LINGO2: variants seen among roughly 807,000 people sequenced by gnomAD.
LINGO2 encodes the protein leucine rich repeat and Ig domain containing 2, also known as leucine-rich repeat and immunoglobulin-like domain-containing nogo receptor-interacting protein 2.
LINGO2 carries 14 observed loss-of-function variants against 30.6 expected under a neutral mutation model. The observed-to-expected ratio is 0.46, with a 90% confidence interval of 0.30 to 0.72. The LOEUF (loss-of-function observed/expected upper bound fraction) is 0.72, where lower values mean the gene tolerates loss of function less well. LINGO2 is among the 30% of genes least tolerant of loss of function. LINGO2 has a pLI of 0.07. For missense variants in LINGO2, 729 were observed against 751.7 expected, an observed-to-expected ratio of 0.97 and a Z score of 0.35; for synonymous variants, 317 against 288.5, an observed-to-expected ratio of 1.10 and a Z score of -1.00.
intron 1 of LINGO2, among the ~76,000 whole-genome samples, chr9:28,537,018 T>C (rs1449982356): frequency 6.6e-6 from 1 of 151,962 alleles, no homozygotes; most frequent in Non-Finnish European, 1.5e-5. Flanking sequence ...AGTGTCCTTA[T>C]TTAAAAAAAA....
At chr9:28,917,078 C>A in the LINGO2 span, among the ~76,000 whole-genome samples, 12 of 152,158 alleles carry the variant, frequency 7.9e-5, no homozygotes, top group Non-Finnish European at 2.9e-5. Context: ...TTGTGGTTGT[C>A]ATGAATTATC....
the LINGO2 span, among the ~76,000 whole-genome samples, chr9:28,848,389 GTGTGTGTGTATA>G: frequency 1.4e-3 from 74 of 52,296 alleles, no homozygotes; most frequent in African/African-American, 3.3e-3. Context: ...GTGTGTGTGT[GTGTGTGTGTATA>G]TATATATATA....
At chr9:28,431,027 G>C (rs1260096651) in intron 2 of LINGO2, among the ~76,000 whole-genome samples, 1 of 56,858 alleles carries the variant, frequency 1.8e-5, no homozygotes, top group Non-Finnish European at 3.7e-5. Context: ...CAGCATGAGT[G>C]ATGAGAGAGA....
chr9:28,236,167 G>C (rs933823782), intron 4 of LINGO2, among the ~76,000 whole-genome samples: 1 of 152,092 alleles, frequency 6.6e-6, no homozygotes, highest in South Asian at 2.1e-4. Flanking sequence ...CAGGCCATGA[G>C]AGAGTGAAAT....
At chr9:28,228,663 T>C (rs1195062708) in intron 4 of LINGO2, among the ~76,000 whole-genome samples, 3 of 151,902 alleles carry the variant, frequency 2.0e-5, no homozygotes, top group Non-Finnish European at 4.4e-5. Flanking sequence ...AGATATGTTA[T>C]AAAATGATTT....
intron 1 of LINGO2, among the ~76,000 whole-genome samples, chr9:28,516,884 C>G (rs10968631): frequency 9.2e-5 from 14 of 151,986 alleles, no homozygotes; most frequent in Non-Finnish European, 1.3e-4. Flanking sequence ...AATGGAAGGT[C>G]TGACCCTACA....
chr9:28,896,181 T>A, the LINGO2 span, among the ~76,000 whole-genome samples: 2 of 152,100 alleles, frequency 1.3e-5, no homozygotes, highest in Non-Finnish European at 2.9e-5. Context: ...CATTTGCAAA[T>A]TAAGGAAAGA....
intron 4 of LINGO2, among the ~76,000 whole-genome samples, chr9:28,241,727 A>G (rs1392734118): frequency 2.6e-5 from 4 of 152,194 alleles, no homozygotes; most frequent in Admixed American, 6.5e-5. Context: ...TCCTACTGTC[A>G]TCAGGTCAGT....
intron 4 of LINGO2, among the ~76,000 whole-genome samples, chr9:28,118,981 G>T (rs1357273418): frequency 6.6e-6 from 1 of 152,070 alleles, no homozygotes; most frequent in Non-Finnish European, 1.5e-5. Context: ...TAATTTACCT[G>T]TGGTCCCTGG....
intron 3 of LINGO2, among the ~76,000 whole-genome samples, chr9:28,336,197 G>T (rs1825583737): frequency 6.6e-6 from 1 of 151,898 alleles, no homozygotes; most frequent in Non-Finnish European, 1.5e-5. Flanking sequence ...AATTTCCTGT[G>T]CTTACTTCTC....
chr9:28,362,254 G>A (rs2134513364), intron 3 of LINGO2, among the ~76,000 whole-genome samples: 1 of 152,260 alleles, frequency 6.6e-6, no homozygotes, highest in Non-Finnish European at 1.5e-5. Flanking sequence ...GTGTGCACGT[G>A]TGTGTGTGCA....
the LINGO2 span, among the ~76,000 whole-genome samples, chr9:28,974,990 T>A: frequency 1.3e-5 from 2 of 151,750 alleles, no homozygotes; most frequent in African/African-American, 4.8e-5. Flanking sequence ...AATGAGTAAT[T>A]TGAAATATCT....
rs531347914 is a variant in LINGO2 at position 28,013,305 on chromosome 9, G to A, written c.-86-900C>T. ...TATTCACCTTTTCCTCCTGCTCCAA[G>A]CCTGACTTAGAAGGGTCTTATGATC... On this transcript the variant is annotated intron_variant, in intron 4 of 5. Transcript: ENST00000379992. Among the ~76,000 whole-genome samples, 64 of 152,120 alleles carry A rather than the reference G, an allele frequency of 4.2e-4. 1 individual carries two copies. The highest frequency in any genetic ancestry group is 1.5e-3 in the African/African-American group (62 of 41,490).
At chr9:29,103,759 A>G in the LINGO2 span, among the ~76,000 whole-genome samples, 7,154 of 152,218 alleles carry the variant, frequency 0.047, 219 homozygotes, top group Admixed American at 0.081. Context: ...TTTATGACAC[A>G]CAGTCAGACC....
intron 1 of LINGO2, among the ~76,000 whole-genome samples, chr9:28,563,076 AC>A (rs1823188234): frequency 6.6e-6 from 1 of 152,064 alleles, no homozygotes; most frequent in South Asian, 2.1e-4. Context: ...CAAATTCCTG[AC>A]CTCAAGTGAT....
intron 4 of LINGO2, among the ~76,000 whole-genome samples, chr9:28,038,661 C>G (rs993184622): frequency 6.7e-6 from 1 of 148,712 alleles, no homozygotes; most frequent in African/African-American, 2.5e-5. Flanking sequence ...CCACTGCAGT[C>G]CAGCCTGGGC....
At chr9:28,653,914 A>G (rs1588030796) in intron 1 of LINGO2, among the ~76,000 whole-genome samples, 1 of 152,144 alleles carries the variant, frequency 6.6e-6, no homozygotes, top group Middle Eastern at 3.2e-3. Context: ...AAAACAATCT[A>G]TGTATTATAA....
chr9:29,097,878 A>G, the LINGO2 span, among the ~76,000 whole-genome samples: 1 of 138,986 alleles, frequency 7.2e-6, no homozygotes, highest in African/African-American at 2.7e-5. Flanking sequence ...GGTCAGGTCA[A>G]TGCTAATAAT....
chr9:28,977,031 T>C, the LINGO2 span, among the ~76,000 whole-genome samples: 3 of 152,282 alleles, frequency 2.0e-5, no homozygotes, highest in East Asian at 1.9e-4. Flanking sequence ...TAAGCTAACA[T>C]TGAAAATTTT....
Sources: gnomAD v4.1 joint callset for allele counts (sites outside exome capture counted in the v4.1 genomes callset) on GRCh38, gnomAD v4.1.1 for gene constraint, MANE v1.5 for transcripts, NCBI Gene and HGNC (gene_info 2026-07-23, HGNC 2026-07-21) for gene names.